The following COL28A1 variants were observed in gnomAD, a reference collection of about 807,000 sequenced individuals.
COL28A1 encodes collagen alpha-1(XXVIII) chain.
Under a neutral mutation model 150.2 loss-of-function variants are expected in COL28A1, and 161 were observed. The ratio of observed to expected loss-of-function variants is 1.07; its 90% confidence interval spans 0.94 to 1.22. The LOEUF is 1.22. Ranked by LOEUF, COL28A1 falls within the 50% of genes most tolerant of loss-of-function variation. COL28A1 has a pLI of 0.00. For missense variants in COL28A1, 1,617 were observed against 1,388.3 expected (o/e 1.16, Z -2.62); for synonymous variants, 552 against 469.7 (o/e 1.18, Z -2.26).
Position 7,477,134 on chromosome 7 carries a change from C to A in COL28A1, c.1211G>T (p.Gly404Val), listed in dbSNP as rs767461836. 1 of 1,341,762 alleles carries A rather than the reference C, an allele frequency of 7.5e-7. No individual in the cohort carries two copies. The allele number at this position is 1,341,762 out of a possible 1,614,324, so 83.1% of individuals were successfully genotyped here. Residue 404 changes from glycine (G) to valine (V), a missense_variant, in exon 14 of 35, where the codon GGA (glycine) becomes GTA (valine). Physicochemically the swap from Gly to Val is moderately radical, Grantham distance 109. Transcript: ENST00000399429. ...EGVPGERGLP[G>V]EGFPGPKGEK... is the part of the protein sequence containing the mutation. ...TACCTTTGGTCCTGGAAATCCTTCT[C>A]CGGGTAAGCCCCTCTCTCCTGGTAC... is the stretch of plus-strand genomic sequence containing the variant.
intron 27 of COL28A1, among the ~76,000 whole-genome samples, chr7:7,415,039 GA>G (rs1783991428): frequency 6.6e-6 from 1 of 152,222 alleles, no homozygotes; most frequent in African/African-American, 2.4e-5. Context: ...TTGGTCAGCT[GA>G]ATGAATGAAT....
At chr7:7,353,770 T>C (rs993949505), downstream of COL28A1, among the ~76,000 whole-genome samples, 1 of 152,096 alleles carries the variant, frequency 6.6e-6, no homozygotes, top group Non-Finnish European at 1.5e-5. Context: ...GTGGGCAAAA[T>C]TGTGAAAAGC....
rs150504542 is a variant in COL28A1 at position 7,375,183 on chromosome 7, C to T, written c.2359+278G>A. Among the ~76,000 whole-genome samples, 391 of 152,300 alleles carry T rather than the reference C, an allele frequency of 2.6e-3. 1 individual carries two copies. The highest frequency in any genetic ancestry group is 9.1e-3 in the African/African-American group (380 of 41,552). ...TCAGGTAAATGTCACTGAATACAAA[C>T]GAGCACTGTGCTAACAAAAGGCCCG... is the stretch of plus-strand genomic sequence containing the variant. On this transcript the variant is annotated intron_variant, in intron 31 of 34. Coordinates refer to ENST00000399429, the MANE Select transcript of COL28A1 (RefSeq NM_001037763.3).
chr7:7,488,790 T>C (rs530368697), intron 13 of COL28A1, among the ~76,000 whole-genome samples: 20 of 152,326 alleles, frequency 1.3e-4, no homozygotes, highest in Admixed American at 8.5e-4. Flanking sequence ...GTATAAACAT[T>C]AGGCTTGAGT....
chr7:7,379,389 T>G (rs1781739940), intron 30 of COL28A1, among the ~76,000 whole-genome samples: 1 of 152,194 alleles, frequency 6.6e-6, no homozygotes. Context: ...TGCCTCTTGG[T>G]TGAAAAGCTT....
intron 13 of COL28A1, among the ~76,000 whole-genome samples, chr7:7,483,041 TAGAC>T (rs1174902491): frequency 6.6e-6 from 1 of 152,256 alleles, no homozygotes; most frequent in East Asian, 1.9e-4. Context: ...CCCACAAACT[TAGAC>T]AGACAGTCTC....
intron 27 of COL28A1, among the ~76,000 whole-genome samples, chr7:7,417,045 G>A (rs1380514245): frequency 1.3e-5 from 2 of 151,934 alleles, no homozygotes; most frequent in African/African-American, 4.8e-5. Context: ...CTTATGACGG[G>A]GGCAGCAGTG....
At chr7:7,361,998 G>A (rs1780693292) in intron 33 of COL28A1, among the ~76,000 whole-genome samples, 1 of 152,156 alleles carries the variant, frequency 6.6e-6, no homozygotes, top group South Asian at 2.1e-4. Flanking sequence ...CATGGACACA[G>A]GGAGGGGAAC....
intron 33 of COL28A1, among the ~76,000 whole-genome samples, chr7:7,363,842 A>G (rs116504548): frequency 0.013 from 1,940 of 152,190 alleles, 45 homozygotes; most frequent in African/African-American, 0.044. Flanking sequence ...GTTGCCCAGC[A>G]CGATCTCGGC....
intron 27 of COL28A1, among the ~76,000 whole-genome samples, chr7:7,403,274 A>G (rs1045170376): frequency 6.6e-6 from 1 of 152,128 alleles, no homozygotes; most frequent in Non-Finnish European, 1.5e-5. Context: ...CTTTCAGTAC[A>G]ATCAGATCAA....
intron 18 of COL28A1, among the ~76,000 whole-genome samples, chr7:7,449,657 G>A (rs1311809068): frequency 1.3e-5 from 2 of 151,566 alleles, no homozygotes; most frequent in African/African-American, 4.8e-5. Flanking sequence ...CAGGGTGGCT[G>A]GATACAAAAT....
chr7:7,454,098 T>A (rs1328366988), intron 16 of COL28A1, among the ~76,000 whole-genome samples: 2 of 152,160 alleles, frequency 1.3e-5, no homozygotes, highest in Non-Finnish European at 2.9e-5. Flanking sequence ...TATGCACATA[T>A]GTGTACATTT....
intron 23 of COL28A1, among the ~76,000 whole-genome samples, chr7:7,434,388 A>G (rs1168242474): frequency 6.6e-6 from 1 of 152,194 alleles, no homozygotes; most frequent in African/African-American, 2.4e-5. Context: ...AGCTCTAAAC[A>G]TCTGCATATG....
Position 7,381,593 on chromosome 7 carries a change from C to T in COL28A1, c.2156G>A (p.Gly719Asp), listed in dbSNP as rs769189367. The change falls in exon 28 of 35, where the codon GGC becomes GAC. Residue 719 changes from glycine (G) to aspartate (D), a missense_variant. Coordinates refer to ENST00000399429, the MANE Select transcript of COL28A1 (RefSeq NM_001037763.3). The stretch of plus-strand genomic sequence containing the variant: ...CATTGTGCCCTTTGGGCCTGGGAAG[C>T]CTTGTGGTCCTTGTTCCCCCTACAT... ...QGIKGEQGPQ[G>D]FPGPKGTMGH... The T allele has an allele frequency of 6.2e-7, 1 of 1,613,598 alleles. No homozygotes were observed. Among genetic ancestry groups the T allele is most frequent in the Non-Finnish European group, 8.5e-7 (1 of 1,179,490 alleles).
In COL28A1 at chr7:7,436,405, C is replaced by T. The variant is rs199859219; in HGVS notation, c.1850G>A (p.Arg617Gln). The change falls in exon 23 of 35, where the codon CGA becomes CAA. Residue 617 changes from arginine to glutamine, a missense_variant. By Grantham distance (43) the Arg-to-Gln change is conservative. Transcript: ENST00000399429. ...GFKGEPGLSI[R>Q]GPKGVQGPRG... The stretch of plus-strand genomic sequence containing the variant: ...ATGAATAAAGCATACCTTTGGTCCT[C>T]GAATAGAAAGTCCAGGTTCTCCCTT... 741 of 1,372,898 alleles carry T rather than the reference C, an allele frequency of 5.4e-4. 13 individuals carry two copies. In the South Asian group the frequency reaches 7.8e-3, roughly 14 times the overall value. The allele number at this position is 1,372,898 out of a possible 1,614,324, so 85.0% of individuals were successfully genotyped here. A position where few individuals can be genotyped will look rare whatever the true frequency, so the allele number is the denominator to read the frequency against.
Position 7,477,184 on chromosome 7 carries a change from G to A in COL28A1, c.1165-4C>T, listed in dbSNP as rs202135253. On this transcript the variant is annotated splice_region_variant and splice_polypyrimidine_tract_variant and intron_variant, in intron 13 of 34. Transcript: ENST00000399429. ...CTCCCTCAGGACCACGGGGACCCTG[G>A]TTAGGATAGGAGAAAATGAGGAGCA... is the stretch of plus-strand genomic sequence containing the variant. 3.1e-5 allele frequency: 35 copies of A among 1,130,708 alleles called. No homozygotes were observed. In the East Asian group the frequency reaches 7.0e-4, roughly 23 times the overall value. 70.0% of individuals were successfully genotyped at this position (1,130,708 alleles called of 1,614,324 possible). A position where few individuals can be genotyped will look rare whatever the true frequency, so the allele number is the denominator to read the frequency against.
downstream of COL28A1, among the ~76,000 whole-genome samples, chr7:7,352,956 T>G (rs1418930141): frequency 1.3e-5 from 2 of 152,110 alleles, no homozygotes; most frequent in Non-Finnish European, 2.9e-5. Flanking sequence ...TCTCGGGACC[T>G]CCCCAAATTC....
intron 26 of COL28A1, 79 bp from the exon 27 acceptor site, chr7:7,418,006 A>C: frequency 1.6e-5 from 18 of 1,144,180 alleles, no homozygotes; most frequent in Non-Finnish European, 2.2e-5. Context: ...TACTACTCTC[A>C]GCTGCATTCT....
intron 30 of COL28A1, among the ~76,000 whole-genome samples, chr7:7,379,547 G>A (rs914762201): frequency 6.6e-6 from 1 of 151,992 alleles, no homozygotes; most frequent in Non-Finnish European, 1.5e-5. Flanking sequence ...CAGGCTGTGA[G>A]CTCTCTCAGT....
Sources: gnomAD v4.1 joint callset for allele counts (sites outside exome capture counted in the v4.1 genomes callset) on GRCh38, gnomAD v4.1.1 for gene constraint, MANE v1.5 for transcripts, NCBI Gene and HGNC (gene_info 2026-07-23, HGNC 2026-07-21) for gene names.